Variants in MANSC1 observed in about 807,000 individuals in gnomAD.
The protein encoded by MANSC1 is MANSC domain-containing protein 1.
A neutral mutation model predicts 14.1 loss-of-function variants in MANSC1; 13 were observed. The observed-to-expected ratio is 0.92, with a 90% CI of 0.60 to 1.46. MANSC1 has a LOEUF of 1.46. MANSC1 is among the 40% of genes most tolerant of loss of function. MANSC1 has a pLI of 0.00. For missense variants in MANSC1, 486 were observed against 511.4 expected (o/e 0.95, Z 0.48); for synonymous variants, 227 against 200.7 (o/e 1.13, Z -1.11).
chr12:12,347,705 A>G (rs1307978322), intron 1 of MANSC1, among the ~76,000 whole-genome samples: 1 of 152,226 alleles, frequency 6.6e-6, no homozygotes, highest in Non-Finnish European at 1.5e-5. Flanking sequence ...ACCACTACCC[A>G]CCTATGAGAA....
chr12:12,332,773 G>A (rs1400148047), intron 3 of MANSC1, among the ~76,000 whole-genome samples: 6 of 152,060 alleles, frequency 3.9e-5, no homozygotes, highest in South Asian at 2.1e-4. Context: ...CACCCCCTTC[G>A]GTCTCCCAAA....
chr12:12,337,557 T>C (rs1421354608), intron 3 of MANSC1, among the ~76,000 whole-genome samples: 2 of 152,102 alleles, frequency 1.3e-5, no homozygotes, highest in Non-Finnish European at 2.9e-5. Context: ...TGAGACTCCA[T>C]CTCGGAAAAA....
At chr12:12,331,670 A>C (rs36111117) in intron 3 of MANSC1, among the ~76,000 whole-genome samples, 62,118 of 151,988 alleles carry the variant, frequency 0.41, 14,498 homozygotes, top group Middle Eastern at 0.6. Context: ...GCAATAGAGC[A>C]GGAGAGAGGG....
Position 12,330,276 on chromosome 12 carries a change from G to A in MANSC1, c.1047C>T (p.Ser349=), listed in dbSNP as rs1273830400. 6.2e-7 allele frequency: 1 copy of A among 1,614,178 alleles called. No homozygotes were observed. Among genetic ancestry groups the A allele is most frequent in the Non-Finnish European group, 8.5e-7 (1 of 1,180,026 alleles). The change falls in exon 4 of 4, where the codon TCC becomes TCT. Residue 349 remains serine, a synonymous_variant. Transcript: ENST00000535902. ...TALSMSNVES[S]TMNKTASWEG... ...CCCAGGAAGCAGTTTTATTCATAGT[G>A]GAAGACTCCACATTTGACATAGAAA...
In MANSC1 at chr12:12,338,495, G is replaced by A. The variant is rs1862887995; in HGVS notation, c.289C>T (p.Leu97=). ...RKTARQPNCY[L]FFCPNEEACP... is the part of the protein sequence containing the mutation. The stretch of plus-strand genomic sequence containing the variant: ...GCTTCCTCGTTGGGACAGAAAAATA[G>A]GTAGCAGTTGGGTTGTCTAGCTGTT... The change falls in exon 3 of 4, where the codon CTA becomes TTA. Residue 97 remains leucine, a synonymous_variant. Coordinates refer to ENST00000535902, the MANE Select transcript of MANSC1 (RefSeq NM_018050.4). The A allele has an allele frequency of 6.2e-7, 1 of 1,613,518 alleles. No homozygotes were observed. Among genetic ancestry groups the A allele is most frequent in the Admixed American group, 1.7e-5 (1 of 59,846 alleles).
At position 12,338,334 on chromosome 12, in the gene MANSC1, T is replaced by C. The variant is rs3759205; in HGVS notation, c.364+86A>G. The C allele has an allele frequency of 5.1e-3, 6,424 of 1,266,046 alleles. 241 individuals carry two copies. The East Asian group carries it at 0.11, about 21-fold the overall frequency. The allele number at this position is 1,266,046 out of a possible 1,614,324, so 78.4% of individuals were successfully genotyped here. ...TGTCTGGTACCCCTTCTGGTAGTTTTATTTAGACTCTTGTAGAAAATCTTT... is the reference window on the plus strand; with the variant it reads ...TGTCTGGTACCCCTTCTGGTAGTTTCATTTAGACTCTTGTAGAAAATCTTT... On this transcript the variant is annotated intron_variant, in intron 3 of 3. Coordinates refer to ENST00000535902, the MANE Select transcript of MANSC1 (RefSeq NM_018050.4).
intron 3 of MANSC1, among the ~76,000 whole-genome samples, chr12:12,336,149 C>A (rs2135991330): frequency 6.6e-6 from 1 of 152,228 alleles, no homozygotes; most frequent in East Asian, 1.9e-4. Context: ...AAAACAACAA[C>A]AACAAACAAA....
chr12:12,347,140 C>A (rs1396227237), intron 1 of MANSC1, among the ~76,000 whole-genome samples: 1 of 152,098 alleles, frequency 6.6e-6, no homozygotes, highest in Non-Finnish European at 1.5e-5. Context: ...CACTTTATTT[C>A]TATTATTACA....
Position 12,330,694 on chromosome 12 carries a change from G to A in MANSC1, c.629C>T (p.Ser210Phe), listed in dbSNP as rs769560370. The A allele has an allele frequency of 1.9e-6, 3 of 1,614,096 alleles. No individual in the cohort carries two copies. The highest frequency in any genetic ancestry group is 1.3e-5 in the African/African-American group (1 of 74,932). ...CAGATGAGCTATTTCTTGATCAGAGGAAAATTGTGAACTCTGAGAATGGCC... is the reference window on the plus strand; with the variant it reads ...CAGATGAGCTATTTCTTGATCAGAGAAAAATTGTGAACTCTGAGAATGGCC... ...EKGHSQSSQF[S>F]SDQEIAHLLP... Residue 210 changes from serine to phenylalanine, a missense_variant, in exon 4 of 4, where the codon TCC (serine) becomes TTC (phenylalanine). Coordinates refer to ENST00000535902, the MANE Select transcript of MANSC1 (RefSeq NM_018050.4).
chr12:12,334,549 T>A (rs1411074509), intron 3 of MANSC1, among the ~76,000 whole-genome samples: 3 of 152,128 alleles, frequency 2.0e-5, no homozygotes, highest in Non-Finnish European at 2.9e-5. Flanking sequence ...TAGGTGTCCA[T>A]CAACCTGCTC....
chr12:12,337,343 G>A (rs949437109), intron 3 of MANSC1, among the ~76,000 whole-genome samples: 10 of 152,016 alleles, frequency 6.6e-5, no homozygotes, highest in Non-Finnish European at 1.5e-4. Context: ...GGATCACGAG[G>A]TCAGGAGATT....
Position 12,330,017 on chromosome 12 carries a change from A to C in MANSC1, c.*10T>G. On this transcript the variant is annotated 3_prime_UTR_variant, in exon 4 of 4. Transcript: ENST00000535902. ...TTACTAAATGAATTAAGAGACACCG[A>C]GTTCCATCCTTAGATGTCCACATAG... 1 of 1,606,860 alleles carries C rather than the reference A, an allele frequency of 6.2e-7. No individual in the cohort carries two copies. The highest frequency in any genetic ancestry group is 8.5e-7 in the Non-Finnish European group (1 of 1,175,806).
chr12:12,336,533 AT>A (rs574909847), intron 3 of MANSC1, among the ~76,000 whole-genome samples: 11 of 147,286 alleles, frequency 7.5e-5, no homozygotes, highest in South Asian at 6.5e-4. Flanking sequence ...TTGTTTTCCT[AT>A]TTTTTTTTTA....
rs370312907 is a variant in MANSC1, at chr12:12,338,026, G to A, written c.364+394C>T. On this transcript the variant is annotated intron_variant, in intron 3 of 3. Coordinates refer to ENST00000535902, the MANE Select transcript of MANSC1 (RefSeq NM_018050.4). ...CATAAAAAGTTTGATTTCAGATAAT[G>A]TGATTATAATGGGAACTTAATAACA... Among the ~76,000 whole-genome samples, 6 of 152,318 alleles carry A rather than the reference G, an allele frequency of 3.9e-5. No homozygotes were observed. The South Asian group carries it at 1.0e-3, about 26-fold the overall frequency.
Position 12,350,224 on chromosome 12 carries a change from G to C in MANSC1, c.-247C>G, listed in dbSNP as rs1245414349. 1 of 152,268 alleles carries C rather than the reference G, an allele frequency of 6.6e-6. No individual in the cohort carries two copies. The highest frequency in any genetic ancestry group is 2.4e-5 in the African/African-American group (1 of 41,468). 9.4% of individuals were successfully genotyped at this position (152,268 alleles called of 1,614,324 possible). On this transcript the variant is annotated 5_prime_UTR_variant, in exon 1 of 4. Coordinates refer to ENST00000535902, the MANE Select transcript of MANSC1 (RefSeq NM_018050.4). Reference sequence around the variant, plus strand: ...CCGCAGCTCCCGCACCGGCCTGGCGGGTTTTGTGGTTAGCAAGTTCCTGCT... The same window carrying C: ...CCGCAGCTCCCGCACCGGCCTGGCGCGTTTTGTGGTTAGCAAGTTCCTGCT...
rs1044407496 is a variant in MANSC1, at chr12:12,330,240, C to G, written c.1083G>C (p.Glu361Asp). Residue 361 changes from glutamate (E) to aspartate (D), a missense_variant, in exon 4 of 4, where the codon GAG becomes GAC. Glu to Asp is a conservative substitution (Grantham distance 45, BLOSUM62 2). Coordinates refer to ENST00000535902, the MANE Select transcript of MANSC1 (RefSeq NM_018050.4). ...CCTGGGAGGAACTGCCTGGACTGGC[C>G]TCCCTACCTTCCCAGGAAGCAGTTT... ...MNKTASWEGREASPGSSSQGS... is the reference protein window; with the variant it reads ...MNKTASWEGRDASPGSSSQGS... 3.1e-6 allele frequency: 5 copies of G among 1,614,008 alleles called. No individual in the cohort carries two copies. In the Admixed American group the frequency reaches 8.3e-5, roughly 27 times the overall value.
At chr12:12,340,992 G>A (rs1288767778) in intron 2 of MANSC1, among the ~76,000 whole-genome samples, 1 of 152,066 alleles carries the variant, frequency 6.6e-6, no homozygotes, top group Non-Finnish European at 1.5e-5. Flanking sequence ...ACACCATTTT[G>A]CAGCAATAAC....
rs777289160 is a variant in MANSC1 at position 12,330,051 on chromosome 12, G to T, written c.1272C>A (p.Ile424=). 1.9e-6 allele frequency: 3 copies of T among 1,614,072 alleles called. No homozygotes were observed. Among genetic ancestry groups the T allele is most frequent in the Middle Eastern group, 1.6e-4 (1 of 6,062 alleles). ...RKRYSRLDYL[I]NGIYVDI The stretch of plus-strand genomic sequence containing the variant: ...CTTAGATGTCCACATAGATCCCATT[G>T]ATCAAATAATCCAGTCTTGAGTAAC... The change falls in exon 4 of 4, where the codon ATC becomes ATA. Residue 424 remains isoleucine, a synonymous_variant. Coordinates refer to ENST00000535902, the MANE Select transcript of MANSC1 (RefSeq NM_018050.4).
At chr12:12,337,972 G>A (rs565790476) in intron 3 of MANSC1, among the ~76,000 whole-genome samples, 4 of 152,230 alleles carry the variant, frequency 2.6e-5, no homozygotes, top group African/African-American at 7.2e-5. Context: ...GATTTCAGAC[G>A]AGATTGGGTG....
Sources: gnomAD v4.1 joint callset for allele counts (sites outside exome capture counted in the v4.1 genomes callset) on GRCh38, gnomAD v4.1.1 for gene constraint, MANE v1.5 for transcripts, NCBI Gene and HGNC (gene_info 2026-07-23, HGNC 2026-07-21) for gene names.